ZNF69: variants seen among roughly 807,000 people sequenced by gnomAD.
ZNF69 encodes the protein ZNF3.
In ZNF69, 47 loss-of-function variants were observed where a neutral mutation model predicts 50.9. The observed-to-expected ratio is 0.92, with a 90% CI of 0.73 to 1.18. The LOEUF (loss-of-function observed/expected upper bound fraction) is 1.18. Ranked by LOEUF, ZNF69 falls within the 50% of genes most tolerant of loss-of-function variation. ZNF69 has a pLI of 0.00. For synonymous variants in ZNF69, 216 were observed against 223.1 expected, an observed-to-expected ratio of 0.97 and a Z score of 0.29; for missense variants, 717 against 675.1, an observed-to-expected ratio of 1.06 and a Z score of -0.69.
At chr19:11,945,157 A>G in the ZNF69 span, among the ~76,000 whole-genome samples, 4 of 152,188 alleles carry the variant, frequency 2.6e-5, no homozygotes, top group South Asian at 2.1e-4. Flanking sequence ...TGGGACTGAC[A>G]TAAGTTTTTC....
chr19:11,967,162 T>C, the ZNF69 span, among the ~76,000 whole-genome samples: 19,220 of 152,034 alleles, frequency 0.13, 2,260 homozygotes, highest in African/African-American at 0.31. Context: ...TAGCGAAACC[T>C]CTTCTCTTCC....
At position 11,887,979 on chromosome 19, in the gene ZNF69, A is replaced by G; in HGVS notation, c.56A>G (p.Gln19Arg). The change falls in exon 1 of 4, where the codon CAG becomes CGG. Residue 19 changes from glutamine to arginine, a missense_variant. Transcript: ENST00000429654. The stretch of plus-strand genomic sequence containing the variant: ...GAGGACCCCGGGACATCTGAAAGCC[A>G]GGAAATGGTGCGTGTCTGGGGCCGG... ...CREDPGTSES[Q>R]EMDPVAFDDV... The G allele has an allele frequency of 6.2e-7, 1 of 1,610,950 alleles. No homozygotes were observed.
chr19:11,934,510 TC>T, the ZNF69 span, among the ~76,000 whole-genome samples: 1 of 148,134 alleles, frequency 6.8e-6, no homozygotes, highest in Admixed American at 6.6e-5. Context: ...TTCTTTTTTT[TC>T]TTTTTTTCTT....
chr19:11,888,000 G>T lies in ZNF69; in HGVS notation c.63+14G>T, dbSNP rs779426455. The T allele has an allele frequency of 1.9e-6, 3 of 1,610,530 alleles. No homozygotes were observed. Among genetic ancestry groups the T allele is most frequent in the Non-Finnish European group, 1.7e-6 (2 of 1,177,722 alleles). On this transcript the variant is annotated intron_variant, in intron 1 of 3. Transcript: ENST00000429654. ...AGCCAGGAAATGGTGCGTGTCTGGG[G>T]CCGGGTGTCGTGAGACGGGGGAGGG...
chr19:11,967,580 T>G, the ZNF69 span, among the ~76,000 whole-genome samples: 1 of 152,160 alleles, frequency 6.6e-6, no homozygotes, highest in African/African-American at 2.4e-5. Flanking sequence ...ATTTTTTGTA[T>G]TTTTAGTAGA....
At chr19:11,951,608 A>T in the ZNF69 span, among the ~76,000 whole-genome samples, 7 of 152,156 alleles carry the variant, frequency 4.6e-5, no homozygotes, top group African/African-American at 1.7e-4. Context: ...CAAAACCACC[A>T]GTGCCATACC....
the ZNF69 span, among the ~76,000 whole-genome samples, chr19:11,926,306 C>T: frequency 6.6e-6 from 1 of 152,182 alleles, no homozygotes; most frequent in East Asian, 1.9e-4. Context: ...GTCTCACCTC[C>T]CATCCTGTCA....
downstream of ZNF69, among the ~76,000 whole-genome samples, chr19:11,918,997 G>C (rs1023235185): frequency 1.3e-5 from 2 of 151,316 alleles, no homozygotes; most frequent in Non-Finnish European, 2.9e-5. Context: ...CCGGGTTCAC[G>C]CCATTCTCCT....
chr19:11,945,741 A>G, the ZNF69 span, among the ~76,000 whole-genome samples: 1 of 152,078 alleles, frequency 6.6e-6, no homozygotes, highest in Non-Finnish European at 1.5e-5. Context: ...AAGGGCCATG[A>G]TGACTCCCTT....
intron 1 of ZNF69, among the ~76,000 whole-genome samples, chr19:11,892,420 T>C (rs1441895422): frequency 1.3e-5 from 2 of 152,070 alleles, no homozygotes; most frequent in Non-Finnish European, 2.9e-5. Flanking sequence ...ATGAAGTCTT[T>C]GTGTGAGAAA....
the ZNF69 span, among the ~76,000 whole-genome samples, chr19:11,933,049 G>A: frequency 2.0e-5 from 3 of 148,300 alleles, no homozygotes; most frequent in Non-Finnish European, 2.9e-5. Flanking sequence ...AACAGTGGTT[G>A]TTTACCCAAA....
the ZNF69 span, among the ~76,000 whole-genome samples, chr19:11,930,034 T>C: frequency 1.4e-5 from 2 of 148,004 alleles, no homozygotes; most frequent in Non-Finnish European, 2.9e-5. Flanking sequence ...CCCCCACAAT[T>C]GCCATGTCTC....
chr19:11,921,668 A>G, the ZNF69 span, among the ~76,000 whole-genome samples: 1 of 151,922 alleles, frequency 6.6e-6, no homozygotes, highest in Admixed American at 6.6e-5. Context: ...ACGCCCAGCT[A>G]ATTTTTGTAT....
the ZNF69 span, among the ~76,000 whole-genome samples, chr19:11,967,770 C>T: frequency 1.3e-5 from 2 of 152,088 alleles, no homozygotes; most frequent in South Asian, 4.2e-4. Flanking sequence ...AGTAGGGCAT[C>T]CTCATAAAGC....
the ZNF69 span, among the ~76,000 whole-genome samples, chr19:11,959,191 C>T: frequency 8.5e-5 from 13 of 152,184 alleles, no homozygotes; most frequent in Non-Finnish European, 1.5e-4. Flanking sequence ...CTGGCCACAT[C>T]TGAGAATTTT....
chr19:11,937,140 A>AACAC, the ZNF69 span, among the ~76,000 whole-genome samples: 1 of 152,300 alleles, frequency 6.6e-6, no homozygotes, highest in African/African-American at 2.4e-5. Context: ...GTTGTGTGTG[A>AACAC]AACCTTATTG....
chr19:11,975,849 G>GAT, the ZNF69 span, among the ~76,000 whole-genome samples: 1 of 151,872 alleles, frequency 6.6e-6, no homozygotes, highest in Non-Finnish European at 1.5e-5. Context: ...ATTACACCTG[G>GAT]ATATATACAC....
At chr19:11,934,079 C>A in the ZNF69 span, among the ~76,000 whole-genome samples, 1 of 147,822 alleles carries the variant, frequency 6.8e-6, no homozygotes, top group Non-Finnish European at 1.5e-5. Flanking sequence ...TGTGATGCCT[C>A]ATCCCTAAAT....
At chr19:11,966,101 C>T in the ZNF69 span, among the ~76,000 whole-genome samples, 1 of 152,166 alleles carries the variant, frequency 6.6e-6, no homozygotes, top group Admixed American at 6.5e-5. Context: ...TTATGAATTC[C>T]AAGGCATGAC....
Sources: allele counts gnomAD v4.1 joint callset (sites outside exome capture counted in the v4.1 genomes callset), GRCh38; gene constraint gnomAD v4.1.1; transcripts MANE v1.5; gene names NCBI Gene and HGNC (gene_info 2026-07-23, HGNC 2026-07-21).